ASNS: variants seen among roughly 807,000 people sequenced by gnomAD.
ASNS encodes asparagine synthetase (glutamine-hydrolyzing).
ASNS carries 37 observed loss-of-function variants against 62.6 expected under a neutral mutation model. The observed-to-expected ratio is 0.59, with a 90% CI of 0.45 to 0.78. ASNS has a LOEUF of 0.78. Among genes scored for constraint, ASNS ranks in the 30% least tolerant of loss-of-function variants. The probability of loss-of-function intolerance (pLI) is 0.00; values close to 1 mark genes in which losing one functional copy is unlikely to be tolerated. For missense variants in ASNS, 520 were observed against 682.4 expected, an observed-to-expected ratio of 0.76 and a Z score of 2.65; for synonymous variants, 207 against 237.9, an observed-to-expected ratio of 0.87 and a Z score of 1.19.
the ASNS span, among the ~76,000 whole-genome samples, chr7:97,926,658 C>T: frequency 5.3e-5 from 8 of 152,102 alleles, no homozygotes; most frequent in Non-Finnish European, 8.8e-5. Context: ...TTCAAGGGGC[C>T]GCCAGACTGA....
chr7:97,854,766 T>C lies in ASNS; in HGVS notation c.1138-86A>G, dbSNP rs746305089. The C allele has an allele frequency of 7.6e-6, 12 of 1,587,404 alleles. No homozygotes were observed. The East Asian group carries it at 2.5e-4, about 33-fold the overall frequency. On this transcript the variant is annotated intron_variant, in intron 9 of 12. Transcript: ENST00000394308. ...CTCCCTCTCCAATCCTAAAGGTGGA[T>C]AAGACAAAAAGTTAAACAAATTTAG...
At chr7:97,872,310 T>G (rs1792316957) in intron 1 of ASNS, 41 bp downstream of exon 1, 1 of 151,332 alleles carries the variant, frequency 6.6e-6, no homozygotes, top group African/African-American at 2.5e-5. Context: ...AGGAGGATGC[T>G]GGCGCGGGGC....
chr7:97,864,448 T>C lies in ASNS; in HGVS notation c.298A>G (p.Ile100Val). 1 of 1,614,004 alleles carries C rather than the reference T, an allele frequency of 6.2e-7. No homozygotes were observed. The highest frequency in any genetic ancestry group is 1.3e-5 in the African/African-American group (1 of 75,066). Residue 100 changes from isoleucine (I) to valine (V), a missense_variant, in exon 4 of 13, where the codon ATA becomes GTA. Ile to Val is a conservative substitution (Grantham distance 29). Transcript: ENST00000394308. ...CCTTTGTCATAAAGATGAAGGATTA[T>C]CTCACCATCCACTTTGGTCTGGTAT... ...FEYQTKVDGE[I>V]ILHLYDKGGI...
chr7:97,870,401 A>G lies in ASNS; in HGVS notation c.-59-588T>C, dbSNP rs1338114801. On this transcript the variant is annotated intron_variant, in intron 1 of 12. Coordinates refer to ENST00000394308, the MANE Select transcript of ASNS (RefSeq NM_001673.5). ...AATGCCCAAATAGTTTGGGATAAAC[A>G]CCCTAAGGAAAAAATATACATTCAA... 1.1e-5 allele frequency: 3 copies of G among 270,754 alleles called. No individual in the cohort carries two copies. The East Asian group carries it at 1.8e-4, about 16-fold the overall frequency. 16.8% of individuals were successfully genotyped at this position (270,754 alleles called of 1,614,324 possible).
At chr7:97,910,074 G>A in the ASNS span, among the ~76,000 whole-genome samples, 1 of 152,102 alleles carries the variant, frequency 6.6e-6, no homozygotes, top group Non-Finnish European at 1.5e-5. Flanking sequence ...CGGAGTCAAA[G>A]AGCCCAACTT....
At chr7:97,881,608 A>G in the ASNS span, among the ~76,000 whole-genome samples, 3 of 152,212 alleles carry the variant, frequency 2.0e-5, no homozygotes, top group South Asian at 2.1e-4. Flanking sequence ...TATCCATACA[A>G]TGGAAATATT....
At chr7:97,852,672 T>C (rs572145653) in intron 12 of ASNS, among the ~76,000 whole-genome samples, 1 of 152,292 alleles carries the variant, frequency 6.6e-6, no homozygotes, top group Non-Finnish European at 1.5e-5. Context: ...TATGCATATT[T>C]TTAATACTTG....
intron 3 of ASNS, among the ~76,000 whole-genome samples, chr7:97,867,566 G>T (rs774578956): frequency 6.6e-6 from 1 of 152,152 alleles, no homozygotes; most frequent in Non-Finnish European, 1.5e-5. Context: ...TTTCATTTAA[G>T]GGGAAAGCCA....
chr7:97,920,195 G>T, the ASNS span, among the ~76,000 whole-genome samples: 2 of 152,074 alleles, frequency 1.3e-5, no homozygotes, highest in Admixed American at 1.3e-4. Context: ...GTAGAGACAG[G>T]TTTTCACCAT....
chr7:97,875,376 T>G (rs191200541), upstream of ASNS, among the ~76,000 whole-genome samples: 1 of 152,334 alleles, frequency 6.6e-6, no homozygotes, highest in Admixed American at 6.5e-5. Context: ...TGACCTCAAA[T>G]GATCCACCCG....
At position 97,864,248 on chromosome 7, in the gene ASNS, TTTA is replaced by T. The variant is rs1562820219; in HGVS notation, c.487+8_487+10del. 4 of 1,592,360 alleles carry T rather than the reference TTTA, an allele frequency of 2.5e-6. No homozygotes were observed. In the Admixed American group the frequency reaches 5.3e-5, roughly 21 times the overall value. The stretch of plus-strand genomic sequence containing the variant: ...ACAATAATGAAAATCTATAGAAAAA[TTTA>T]TTATTACCTTTAGCTTCTGAACATA... On this transcript the variant is annotated splice_region_variant and intron_variant, in intron 4 of 12. Coordinates refer to ENST00000394308, the MANE Select transcript of ASNS (RefSeq NM_001673.5).
At chr7:97,894,480 C>CAAAAAAAAAAAAAAA in the ASNS span, among the ~76,000 whole-genome samples, 4 of 36,542 alleles carry the variant, frequency 1.1e-4, no homozygotes, top group African/African-American at 1.2e-4. Flanking sequence ...TGAGGCTAAC[C>CAAAAAAAAAAAAAAA]AAAAAAAAAA....
the ASNS span, chr7:97,928,180 C>G: frequency 6.8e-4 from 1,042 of 1,530,514 alleles, 2 homozygotes; most frequent in South Asian, 5.3e-3. Flanking sequence ...GCGCTTCCCC[C>G]CTCCAGCAAG....
chr7:97,853,060 C>T lies in ASNS; in HGVS notation c.1476G>A (p.Gln492=), dbSNP rs1562811789. ...GAAAATGTTTTTAAAGACATTATAC[C>T]TGATGTTCAACGTATTCCTGTAAAA... is the stretch of plus-strand genomic sequence containing the variant. ...FKILQEYVEH[Q]VDDAMMANAA... is the part of the protein sequence containing the mutation. Residue 492 remains glutamine (Q), a splice_region_variant and synonymous_variant, in exon 12 of 13, where the codon CAG becomes CAA. Transcript: ENST00000394308. 1.9e-6 allele frequency: 3 copies of T among 1,564,108 alleles called. No homozygotes were observed. Among genetic ancestry groups the T allele is most frequent in the Non-Finnish European group, 2.6e-6 (3 of 1,158,538 alleles).
chr7:97,855,912 A>G (rs1791414557), intron 8 of ASNS, among the ~76,000 whole-genome samples: 1 of 152,126 alleles, frequency 6.6e-6, no homozygotes, highest in Non-Finnish European at 1.5e-5. Context: ...GAGACTATAT[A>G]AGTTATTAAA....
At chr7:97,863,702 T>A (rs932772944) in intron 4 of ASNS, 1 of 152,506 alleles carries the variant, frequency 6.6e-6, no homozygotes, top group Non-Finnish European at 1.5e-5. Flanking sequence ...AAAAACCTAG[T>A]TGATCCTGCC....
chr7:97,853,292 T>C lies in ASNS; in HGVS notation c.1320+13A>G. 1 of 1,613,648 alleles carries C rather than the reference T, an allele frequency of 6.2e-7. No homozygotes were observed. The highest frequency in any genetic ancestry group is 1.3e-5 in the African/African-American group (1 of 75,028). ...TGGCAATGGACAGTTTTACCTTGAG[T>C]TGATTTACCTACCTTTGGAATTCTC... On this transcript the variant is annotated intron_variant, in intron 11 of 12. Coordinates refer to ENST00000394308, the MANE Select transcript of ASNS (RefSeq NM_001673.5).
chr7:97,887,161 G>A, the ASNS span, among the ~76,000 whole-genome samples: 3 of 152,278 alleles, frequency 2.0e-5, no homozygotes, highest in South Asian at 4.2e-4. Flanking sequence ...TCAGCCAATC[G>A]TTGCCCCTTG....
the ASNS span, among the ~76,000 whole-genome samples, chr7:97,925,208 C>A: frequency 6.6e-6 from 1 of 152,154 alleles, no homozygotes; most frequent in East Asian, 1.9e-4. Flanking sequence ...TCAGTAAATC[C>A]CATATAACCT....
Sources: gnomAD v4.1 joint callset for allele counts (sites outside exome capture counted in the v4.1 genomes callset) on GRCh38, gnomAD v4.1.1 for gene constraint, MANE v1.5 for transcripts, NCBI Gene and HGNC (gene_info 2026-07-23, HGNC 2026-07-21) for gene names.